Variants in RBMS2 observed in about 807,000 individuals in gnomAD.
RBMS2 encodes the protein RNA binding motif single stranded interacting protein 2, also known as RNA-binding motif, single-stranded-interacting protein 2.
RBMS2 carries 38 observed loss-of-function variants against 58.4 expected under a neutral mutation model. The ratio of observed to expected loss-of-function variants is 0.65; its 90% CI spans 0.50 to 0.85. The LOEUF is 0.85. Ranked by LOEUF, RBMS2 falls within the 40% of genes least tolerant of loss-of-function variation. RBMS2 has a pLI of 0.00. For synonymous variants in RBMS2, 151 were observed against 180.7 expected (o/e 0.84, Z 1.32); for missense variants, 367 against 503.7 (o/e 0.73, Z 2.60).
chr12:56,534,018 G>A (rs1874287717), intron 1 of RBMS2, among the ~76,000 whole-genome samples: 1 of 152,124 alleles, frequency 6.6e-6, no homozygotes, highest in Admixed American at 6.6e-5. Context: ...CATACTGCTA[G>A]TGAATGGCCC....
chr12:56,539,754 C>G, intron 1 of RBMS2: 1 of 443,746 alleles, frequency 2.3e-6, no homozygotes. Context: ...ACTGCAACCT[C>G]TGCCTCCCAG....
intron 1 of RBMS2, 49 bp from the exon 2 acceptor site, chr12:56,562,368 A>C: frequency 6.6e-7 from 1 of 1,517,810 alleles, no homozygotes; most frequent in Admixed American, 1.7e-5. Flanking sequence ...CTCACTCTCC[A>C]ACATGTAAAT....
chr12:56,575,873 G>A (rs1193792054), intron 5 of RBMS2, among the ~76,000 whole-genome samples: 3 of 150,238 alleles, frequency 2.0e-5, no homozygotes, highest in Middle Eastern at 3.4e-3. Context: ...CAGCCTGGGC[G>A]ACAAGAGCAA....
At chr12:56,563,167 T>G (rs1408332484) in intron 2 of RBMS2, among the ~76,000 whole-genome samples, 1 of 152,146 alleles carries the variant, frequency 6.6e-6, no homozygotes, top group Non-Finnish European at 1.5e-5. Flanking sequence ...CTGATATATA[T>G]TATAAAGCCT....
upstream of RBMS2, among the ~76,000 whole-genome samples, chr12:56,521,238 G>T (rs1871682781): frequency 6.6e-6 from 1 of 152,016 alleles, no homozygotes; most frequent in Non-Finnish European, 1.5e-5. Context: ...AGACCAGCCT[G>T]GCCAAGATGG....
At chr12:56,579,474 C>A (rs1160749200) in intron 5 of RBMS2, among the ~76,000 whole-genome samples, 7 of 151,672 alleles carry the variant, frequency 4.6e-5, no homozygotes, top group South Asian at 4.2e-4. Context: ...ACTAAAAATA[C>A]CAAAAAAAAT....
At chr12:56,549,357 G>A (rs373345251) in intron 1 of RBMS2, among the ~76,000 whole-genome samples, 4 of 151,886 alleles carry the variant, frequency 2.6e-5, no homozygotes, top group East Asian at 1.9e-4. Context: ...CAAGTAGCTC[G>A]TCTGATTGGA....
chr12:56,536,092 C>T (rs1055050150), intron 1 of RBMS2, among the ~76,000 whole-genome samples: 9 of 150,290 alleles, frequency 6.0e-5, no homozygotes, highest in East Asian at 2.0e-4. Flanking sequence ...CCCAGCTACT[C>T]GGGAGGCTGA....
At chr12:56,588,484 T>C in intron 12 of RBMS2, 110 bp downstream of exon 12, 2 of 1,036,080 alleles carry the variant, frequency 1.9e-6, no homozygotes, top group Non-Finnish European at 3.0e-6. Flanking sequence ...TGTTCACAAA[T>C]AGCTGGTAGG....
intron 1 of RBMS2, among the ~76,000 whole-genome samples, chr12:56,556,277 C>T (rs932091644): frequency 6.6e-6 from 1 of 151,722 alleles, no homozygotes; most frequent in Non-Finnish European, 1.5e-5. Flanking sequence ...CTGTAAGATA[C>T]CCTATAAAAA....
At chr12:56,528,315 A>G (rs1306001308) in intron 1 of RBMS2, among the ~76,000 whole-genome samples, 1 of 152,120 alleles carries the variant, frequency 6.6e-6, no homozygotes, top group African/African-American at 2.4e-5. Flanking sequence ...AGGATTGAAG[A>G]ATAGTCTTTG....
chr12:56,567,286 G>A (rs1881507110), intron 2 of RBMS2, among the ~76,000 whole-genome samples: 1 of 151,864 alleles, frequency 6.6e-6, no homozygotes, highest in South Asian at 2.1e-4. Flanking sequence ...TCGGGAGGCT[G>A]AGGCAGGAGA....
At chr12:56,576,164 C>A (rs975545053) in intron 5 of RBMS2, among the ~76,000 whole-genome samples, 3 of 151,752 alleles carry the variant, frequency 2.0e-5, no homozygotes, top group African/African-American at 7.3e-5. Context: ...ATGGTAAAAC[C>A]CCATCTCCAT....
intron 1 of RBMS2, among the ~76,000 whole-genome samples, chr12:56,559,778 G>A (rs1423841091): frequency 2.2e-5 from 3 of 137,352 alleles, no homozygotes; most frequent in Admixed American, 1.6e-4. Context: ...GTGAACCTGG[G>A]AGGCAGACGT....
rs1420645450 is a variant in RBMS2 at position 56,595,896 on chromosome 12, TA to T, written c.*6764del. On this transcript the variant is annotated 3_prime_UTR_variant, in exon 14 of 14. Transcript: ENST00000262031. ...CAACGCCGTCTCCCCCTCAGGTGTG[TA>T]GAAGGGAAGATGAATACACAGAGTC... is the stretch of plus-strand genomic sequence containing the variant. The T allele has an allele frequency of 9.9e-6, 1 of 100,838 alleles. No individual in the cohort carries two copies. Among genetic ancestry groups the T allele is most frequent in the Non-Finnish European group, 2.2e-5 (1 of 46,364 alleles). 6.2% of individuals were successfully genotyped at this position (100,838 alleles called of 1,614,324 possible).
At chr12:56,543,910 C>G (rs896822759) in intron 1 of RBMS2, among the ~76,000 whole-genome samples, 8 of 151,506 alleles carry the variant, frequency 5.3e-5, no homozygotes, top group African/African-American at 1.9e-4. Flanking sequence ...TTAAGTGATC[C>G]GCCCACCTCA....
At chr12:56,540,423 G>C (rs906671259) in intron 1 of RBMS2, among the ~76,000 whole-genome samples, 2 of 152,072 alleles carry the variant, frequency 1.3e-5, no homozygotes, top group Non-Finnish European at 2.9e-5. Flanking sequence ...TCCCAGGCTG[G>C]AGTGGAGTGG....
In RBMS2 at chr12:56,521,941, TCCTC is replaced by T. The variant is rs1871776755; in HGVS notation, c.-72_-69del. Reference sequence around the variant, plus strand: ...CCTCTCCCCCTTTCCCTCGCTCCCCTCCTCCCTCCCTCCCCGTCTTTCTTACCCC... The same window carrying T: ...CCTCTCCCCCTTTCCCTCGCTCCCCTCCTCCCTCCCCGTCTTTCTTACCCC... On this transcript the variant is annotated 5_prime_UTR_variant, in exon 1 of 14. Transcript: ENST00000262031. The T allele has an allele frequency of 4.6e-6, 1 of 216,980 alleles. No individual in the cohort carries two copies. The highest frequency in any genetic ancestry group is 6.4e-5 in the Admixed American group (1 of 15,714). 13.4% of individuals were successfully genotyped at this position (216,980 alleles called of 1,614,324 possible). A position where few individuals can be genotyped will look rare whatever the true frequency, so the allele number is the denominator to read the frequency against.
In RBMS2 at chr12:56,528,686, G is replaced by A. The variant is rs139111689; in HGVS notation, c.66+6597G>A. 5.5e-3 allele frequency among the ~76,000 whole-genome samples: 835 copies of A among 152,222 alleles called. 10 individuals carry two copies. Among genetic ancestry groups the A allele is most frequent in the African/African-American group, 0.019 (795 of 41,526 alleles). ...TCAATAATCAAAAAGATAATCGAAA[G>A]GACAAATATCTCCTCGGCACCGTGT... On this transcript the variant is annotated intron_variant, in intron 1 of 13. Transcript: ENST00000262031.
Sources: gnomAD v4.1 joint callset for allele counts (sites outside exome capture counted in the v4.1 genomes callset) on GRCh38, gnomAD v4.1.1 for gene constraint, MANE v1.5 for transcripts, NCBI Gene and HGNC (gene_info 2026-07-23, HGNC 2026-07-21) for gene names.